PPEF1: variants seen among roughly 807,000 people sequenced by gnomAD.
The protein encoded by PPEF1 is protein phosphatase with EF-hand domain 1.
In PPEF1, 12 loss-of-function variants were observed where a neutral mutation model predicts 53.3. The observed-to-expected ratio is 0.23, with a 90% CI of 0.14 to 0.36. The LOEUF is 0.36. Among genes scored for constraint, PPEF1 ranks in the 10% least tolerant of loss-of-function variants. The pLI is 1.00. For synonymous variants in PPEF1, 165 were observed against 176.7 expected (o/e 0.93, Z 0.52); for missense variants, 334 against 490.4 (o/e 0.68, Z 3.01).
intron 4 of PPEF1, among the ~76,000 whole-genome samples, chrX:18,754,728 G>A (rs1042636055): frequency 3.6e-5 from 4 of 111,809 alleles, no homozygotes; most frequent in Non-Finnish European, 7.5e-5. Flanking sequence ...CTCTCAAGTA[G>A]CTGGGACTGT....
intron 14 of PPEF1, 70 bp from the exon 15 acceptor site, chrX:18,825,681 T>C: frequency 1.5e-6 from 1 of 656,649 alleles, no homozygotes; most frequent in Non-Finnish European, 2.3e-6. Context: ...TTTCTGTTTG[T>C]TACATTTGCT....
chrX:18,721,092 G>A (rs952789284), intron 1 of PPEF1, among the ~76,000 whole-genome samples: 3 of 111,620 alleles, frequency 2.7e-5, no homozygotes, highest in African/African-American at 9.8e-5. Context: ...GATATACTGC[G>A]TGGTGGTGAA....
chrX:18,822,190 G>A (rs1412669310), intron 13 of PPEF1, among the ~76,000 whole-genome samples: 3 of 112,044 alleles, frequency 2.7e-5, no homozygotes, highest in Non-Finnish European at 5.6e-5. Flanking sequence ...GTGCGGTGCT[G>A]TAGAAACAAG....
chrX:18,760,799 A>AGG (rs2045647073), intron 5 of PPEF1, among the ~76,000 whole-genome samples: 1 of 36,230 alleles, frequency 2.8e-5, no homozygotes, highest in Admixed American at 2.4e-4. Flanking sequence ...TTTTTTTTTG[A>AGG]GATGGAGTCT....
intron 1 of PPEF1, among the ~76,000 whole-genome samples, chrX:18,721,051 T>G (rs2044579814): frequency 9.0e-6 from 1 of 111,625 alleles, no homozygotes; most frequent in South Asian, 3.7e-4. Context: ...TTATATAGAT[T>G]TTGGGAATAC....
chrX:18,788,259 C>T lies in PPEF1; in HGVS notation c.913-862C>T, dbSNP rs1334603453. 5.3e-5 allele frequency among the ~76,000 whole-genome samples: 5 copies of T among 94,620 alleles called. No homozygotes were observed. The East Asian group carries it at 1.0e-3, about 19-fold the overall frequency. The allele number at this position is 94,620 out of a possible 115,157, so 82.2% of individuals were successfully genotyped here. The stretch of plus-strand genomic sequence containing the variant: ...GGCGGAGCTTGCAGTGAGCCGAGAT[C>T]GCGCCACTGCACTCCAGCCTGGGGG... On this transcript the variant is annotated intron_variant, in intron 9 of 15. Transcript: ENST00000470157.
intron 3 of PPEF1, among the ~76,000 whole-genome samples, chrX:18,744,475 CT>C (rs1474278044): frequency 2.7e-5 from 3 of 111,686 alleles, no homozygotes; most frequent in Non-Finnish European, 5.6e-5. Context: ...TCCCAGTCCA[CT>C]TTTCACACAT....
rs1200484966 is a variant in PPEF1 at position 18,784,022 on chromosome X, T to C, written c.886T>C (p.Leu296=). The C allele has an allele frequency of 8.3e-7, 1 of 1,207,931 alleles. No individual in the cohort carries two copies. Among genetic ancestry groups the C allele is most frequent in the Admixed American group, 2.2e-5 (1 of 45,405 alleles). ...GGISETTDLN[L]LHRVERNKMK... is the part of the protein sequence containing the mutation. Reference sequence around the variant, plus strand: ...GATATCAGAGACCACAGACTTGAATTTACTCCACCGTGTAGAGAGGAACAA... The same window carrying C: ...GATATCAGAGACCACAGACTTGAATCTACTCCACCGTGTAGAGAGGAACAA... The change falls in exon 9 of 16, where the codon TTA becomes CTA. Residue 296 remains leucine, a synonymous_variant. Coordinates refer to ENST00000470157, the MANE Select transcript of PPEF1 (RefSeq NM_001377996.1).
intron 3 of PPEF1, among the ~76,000 whole-genome samples, chrX:18,743,075 GAT>G (rs1470646108): frequency 8.9e-6 from 1 of 111,996 alleles, no homozygotes; most frequent in African/African-American, 3.2e-5. Flanking sequence ...CAGTTAAAGA[GAT>G]ATCCATCTCT....
At chrX:18,713,956 C>CT (rs1301976817) in intron 1 of PPEF1, among the ~76,000 whole-genome samples, 13 of 111,453 alleles carry the variant, frequency 1.2e-4, no homozygotes, top group Non-Finnish European at 2.4e-4. Flanking sequence ...AATATTGGAC[C>CT]TTTTAATACT....
chrX:18,733,865 C>A, intron 3 of PPEF1, 57 bp downstream of exon 3: 1 of 965,577 alleles, frequency 1.0e-6, no homozygotes, highest in South Asian at 2.4e-5. Flanking sequence ...TTGTCTTCAT[C>A]AAGAGCGGTA....
intron 3 of PPEF1, among the ~76,000 whole-genome samples, chrX:18,744,568 G>A (rs1237951498): frequency 9.0e-6 from 1 of 111,431 alleles, no homozygotes; most frequent in Non-Finnish European, 1.9e-5. Context: ...GCGGGGAGTG[G>A]GATGGAGTGT....
At chrX:18,714,348 T>C (rs1165379640) in intron 1 of PPEF1, among the ~76,000 whole-genome samples, 2 of 99,833 alleles carry the variant, frequency 2.0e-5, no homozygotes, top group African/African-American at 7.5e-5. Flanking sequence ...CTCGGCTCAC[T>C]GCACCCTTCA....
intron 3 of PPEF1, among the ~76,000 whole-genome samples, chrX:18,743,957 C>T (rs1210611276): frequency 1.8e-5 from 2 of 110,909 alleles, no homozygotes; most frequent in South Asian, 3.9e-4. Flanking sequence ...GGCATGACCT[C>T]GGCTCCCTGC....
At chrX:18,761,727 A>AT (rs2045670890) in intron 6 of PPEF1, 151 bp downstream of exon 6, 3 of 362,345 alleles carry the variant, frequency 8.3e-6, no homozygotes, top group Non-Finnish European at 9.4e-6. Flanking sequence ...GTAGAGCCAT[A>AT]TCTTTTTTTT....
chrX:18,773,464 G>C (rs939385416), intron 6 of PPEF1, among the ~76,000 whole-genome samples: 2 of 110,364 alleles, frequency 1.8e-5, no homozygotes, highest in Admixed American at 1.9e-4. Flanking sequence ...TATATATCTG[G>C]GTTTTGTATT....
At chrX:18,822,834 CA>C (rs2047090634) in intron 13 of PPEF1, among the ~76,000 whole-genome samples, 1 of 111,430 alleles carries the variant, frequency 9.0e-6, no homozygotes, top group South Asian at 3.8e-4. Context: ...GCTATAGTTT[CA>C]ATGCAATCTC....
At chrX:18,800,405 T>C (rs932345083) in intron 10 of PPEF1, among the ~76,000 whole-genome samples, 3 of 111,206 alleles carry the variant, frequency 2.7e-5, no homozygotes, top group African/African-American at 9.8e-5. Context: ...TCATGTACAG[T>C]CAACCCTCCG....
At chrX:18,725,865 C>T (rs995318293) in intron 1 of PPEF1, among the ~76,000 whole-genome samples, 2 of 110,930 alleles carry the variant, frequency 1.8e-5, no homozygotes, top group African/African-American at 6.6e-5. Flanking sequence ...ACAGTTTACA[C>T]CCCTCCCAGT....
Sources: allele counts gnomAD v4.1 joint callset (sites outside exome capture counted in the v4.1 genomes callset), GRCh38; gene constraint gnomAD v4.1.1; transcripts MANE v1.5; gene names NCBI Gene and HGNC (gene_info 2026-07-23, HGNC 2026-07-21).